GIT2: variants seen among roughly 807,000 people sequenced by gnomAD.
The protein encoded by GIT2 is ARF GTPase-activating protein GIT2.
GIT2 carries 32 observed loss-of-function variants against 100.3 expected under a neutral mutation model. That is an observed-to-expected ratio of 0.32 (90% CI 0.24 to 0.43). GIT2 has a LOEUF of 0.43. GIT2 is among the 20% of genes least tolerant of loss of function. GIT2 has a pLI of 1.00. For synonymous variants in GIT2, 353 were observed against 364.1 expected, an observed-to-expected ratio of 0.97 and a Z score of 0.35; for missense variants, 737 against 975.1, an observed-to-expected ratio of 0.76 and a Z score of 3.25.
At chr12:109,983,846 C>T (rs896720376) in intron 4 of GIT2, 152 bp from the exon 5 acceptor site, 2 of 585,692 alleles carry the variant, frequency 3.4e-6, no homozygotes, top group African/African-American at 3.8e-5. Flanking sequence ...CTCTCCTTTG[C>T]CAGTCACAAC....
upstream of GIT2, among the ~76,000 whole-genome samples, chr12:110,000,053 T>C (rs1889869958): frequency 6.6e-6 from 1 of 152,234 alleles, no homozygotes; most frequent in Non-Finnish European, 1.5e-5. Context: ...AAACAGGTCC[T>C]CAGACGCTAC....
At chr12:109,966,285 C>G (rs1565979111) in intron 8 of GIT2, among the ~76,000 whole-genome samples, 5 of 148,904 alleles carry the variant, frequency 3.4e-5, no homozygotes, top group African/African-American at 4.9e-5. Context: ...TGAGCCACTG[C>G]CCTGGCGAGG....
At chr12:109,938,795 A>G in intron 17 of GIT2, 1 of 521,138 alleles carries the variant, frequency 1.9e-6, no homozygotes, top group East Asian at 3.1e-5. Context: ...GGAGGGGAAA[A>G]GGGAGGGAAA....
chr12:109,987,446 T>C (rs558800886), intron 4 of GIT2, among the ~76,000 whole-genome samples: 70 of 152,058 alleles, frequency 4.6e-4, no homozygotes, highest in African/African-American at 1.6e-3. Flanking sequence ...AAAAACCACA[T>C]GATCATCTCA....
At chr12:109,991,085 G>T (rs994350625) in intron 2 of GIT2, among the ~76,000 whole-genome samples, 3 of 152,094 alleles carry the variant, frequency 2.0e-5, no homozygotes, top group Non-Finnish European at 4.4e-5. Context: ...GTTGAGGTGT[G>T]GATCACTTGA....
Position 109,934,090 on chromosome 12 carries a change from A to T in GIT2, c.2004-5T>A. ...CTCTCTGAGCAGGGAATATAACTGC[A>T]AGAATATTGAAGAAGTTATTCAATG... On this transcript the variant is annotated splice_polypyrimidine_tract_variant and splice_region_variant and intron_variant, in intron 18 of 19. Coordinates refer to ENST00000355312, the MANE Select transcript of GIT2 (RefSeq NM_057169.5). The surrounding 1 kb of genome is among the most constrained non-coding windows in gnomAD (Gnocchi z 4.5). 1.4e-6 allele frequency: 2 copies of T among 1,462,772 alleles called. No homozygotes were observed. Among genetic ancestry groups the T allele is most frequent in the Non-Finnish European group, 1.9e-6 (2 of 1,042,038 alleles). The allele number at this position is 1,462,772 out of a possible 1,614,324, so 90.6% of individuals were successfully genotyped here.
At chr12:109,960,220 A>G (rs1219620847) in intron 11 of GIT2, among the ~76,000 whole-genome samples, 1 of 152,224 alleles carries the variant, frequency 6.6e-6, no homozygotes, top group African/African-American at 2.4e-5. Flanking sequence ...ATGCAGGTCT[A>G]TTTTGGTAAG....
In GIT2 at chr12:109,945,129, C is replaced by T. The variant is rs898885496; in HGVS notation, c.1731+131G>A. The T allele has an allele frequency of 2.7e-5, 17 of 629,922 alleles. No homozygotes were observed. The African/African-American group carries it at 3.1e-4, about 11-fold the overall frequency. The allele number at this position is 629,922 out of a possible 1,614,324, so 39.0% of individuals were successfully genotyped here. ...TGTGAGCCTGATGCACTGTGAGAAA[C>T]CAGGAGGAAGTGCTGCCTCATGCAG... On this transcript the variant is annotated intron_variant, in intron 16 of 19. Coordinates refer to ENST00000355312, the MANE Select transcript of GIT2 (RefSeq NM_057169.5).
chr12:109,978,233 C>T (rs1427700098), intron 7 of GIT2, among the ~76,000 whole-genome samples: 2 of 151,858 alleles, frequency 1.3e-5, no homozygotes, highest in African/African-American at 4.8e-5. Flanking sequence ...CAGGTGCGCA[C>T]CAACATGCCC....
chr12:109,970,369 T>C (rs1288668386), intron 7 of GIT2, among the ~76,000 whole-genome samples: 1 of 152,088 alleles, frequency 6.6e-6, no homozygotes, highest in Non-Finnish European at 1.5e-5. Flanking sequence ...AGAGTGCGCC[T>C]GTAGTCCCAG....
upstream of GIT2, chr12:109,996,460 A>G (rs1425749152): frequency 5.9e-6 from 3 of 507,578 alleles, no homozygotes; most frequent in South Asian, 2.6e-5. Flanking sequence ...GAGTGAGGGC[A>G]GGAGACTGCC....
Position 109,953,095 on chromosome 12 carries a change from C to T in GIT2, c.1239G>A (p.Gln413=). The T allele has an allele frequency of 6.2e-7, 1 of 1,613,932 alleles. No homozygotes were observed. Among genetic ancestry groups the T allele is most frequent in the South Asian group, 1.1e-5 (1 of 91,084 alleles). ...CATGGGACGCATGGCCTCTCACCTT[C>T]TGCCGGTTTGTTTTGCTTGCAGTGG... The part of the protein sequence containing the change: ...LETTASKTNR[Q]KSLDSDLSDG... The change falls in exon 13 of 20, where the codon CAG becomes CAA. Residue 413 remains glutamine, a synonymous_variant. Coordinates refer to ENST00000355312, the MANE Select transcript of GIT2 (RefSeq NM_057169.5).
chr12:109,943,535 T>TG (rs1457620204), intron 16 of GIT2, among the ~76,000 whole-genome samples: 1 of 152,216 alleles, frequency 6.6e-6, no homozygotes, highest in Non-Finnish European at 1.5e-5. Context: ...GGTTTTGCCA[T>TG]GTTGGCCAGG....
At chr12:109,983,329 C>CA (rs772780824) in intron 6 of GIT2, 44 bp downstream of exon 6, 18 of 1,593,600 alleles carry the variant, frequency 1.1e-5, no homozygotes, top group African/African-American at 2.7e-5. Context: ...TCACACCCAA[C>CA]AAAAAAATCC....
intron 7 of GIT2, among the ~76,000 whole-genome samples, chr12:109,970,289 C>A (rs1320627685): frequency 6.6e-6 from 1 of 152,008 alleles, no homozygotes; most frequent in Non-Finnish European, 1.5e-5. Flanking sequence ...GTCAGGCGAC[C>A]AACACCATCC....
intron 7 of GIT2, among the ~76,000 whole-genome samples, chr12:109,968,741 C>A (rs969812814): frequency 6.7e-5 from 10 of 149,344 alleles, no homozygotes; most frequent in Non-Finnish European, 1.0e-4. Context: ...TATTTTGAGT[C>A]AGGGTCTCAC....
chr12:109,980,943 T>G lies in GIT2; in HGVS notation c.718+9A>C, dbSNP rs759155377. The G allele has an allele frequency of 6.5e-7, 1 of 1,542,686 alleles. No individual in the cohort carries two copies. The highest frequency in any genetic ancestry group is 1.7e-5 in the Admixed American group (1 of 59,922). Reference sequence around the variant, plus strand: ...GGAGATGTGAAACGGTCATTCTCCATCCACTCACCTGGTTTCCTGCCACAG... The same window carrying G: ...GGAGATGTGAAACGGTCATTCTCCAGCCACTCACCTGGTTTCCTGCCACAG... On this transcript the variant is annotated intron_variant, in intron 7 of 19. Coordinates refer to ENST00000355312, the MANE Select transcript of GIT2 (RefSeq NM_057169.5).
In GIT2 at chr12:109,932,353, T is replaced by C. The variant is rs1222442281; in HGVS notation, c.*625A>G. On this transcript the variant is annotated 3_prime_UTR_variant, in exon 20 of 20. Transcript: ENST00000355312. The stretch of plus-strand genomic sequence containing the variant: ...CAAGAAAACATCAAGAGATAGGAGC[T>C]TGAGATAACAACATTAAATAACAGA... 2.0e-5 allele frequency: 3 copies of C among 152,418 alleles called. No individual in the cohort carries two copies. The highest frequency in any genetic ancestry group is 7.2e-5 in the African/African-American group (3 of 41,434). 9.4% of individuals were successfully genotyped at this position (152,418 alleles called of 1,614,324 possible).
Position 109,931,942 on chromosome 12 carries a change from GCGATA to G in GIT2, c.*1031_*1035del, listed in dbSNP as rs1320394052. 22 of 152,324 alleles carry G rather than the reference GCGATA, an allele frequency of 1.4e-4. No individual in the cohort carries two copies. Among genetic ancestry groups the G allele is most frequent in the African/African-American group, 4.3e-4 (18 of 41,574 alleles). The allele number at this position is 152,324 out of a possible 1,614,324, so 9.4% of individuals were successfully genotyped here. ...GGAGGAGAAACTAACTCAGATGACT[GCGATA>G]CGATACATCTTTCCTTATAAGAAGT... On this transcript the variant is annotated 3_prime_UTR_variant, in exon 20 of 20. Transcript: ENST00000355312.
Sources: allele counts gnomAD v4.1 joint callset (sites outside exome capture counted in the v4.1 genomes callset), GRCh38; gene constraint gnomAD v4.1.1; non-coding constraint Gnocchi (gnomAD v3.1); transcripts MANE v1.5; gene names NCBI Gene and HGNC (gene_info 2026-07-23, HGNC 2026-07-21).